BTRC: variants seen among roughly 807,000 people sequenced by gnomAD.
The protein encoded by BTRC is F-box/WD repeat-containing protein 1A.
In BTRC, 42 loss-of-function variants were observed where a neutral mutation model predicts 85.5. The observed-to-expected ratio is 0.49, with a 90% CI of 0.38 to 0.64. The LOEUF is 0.64. BTRC is among the 30% of genes least tolerant of loss of function. The pLI is 0.00. For missense variants in BTRC, 594 were observed against 743.5 expected, an observed-to-expected ratio of 0.80 and a Z score of 2.34; for synonymous variants, 255 against 263.3, an observed-to-expected ratio of 0.97 and a Z score of 0.30.
chr10:101,403,928 G>T (rs1379604610), intron 1 of BTRC, among the ~76,000 whole-genome samples: 8 of 143,500 alleles, frequency 5.6e-5, no homozygotes, highest in African/African-American at 1.3e-4. Context: ...TTTCTTTGCT[G>T]GTACTCTCTT....
chr10:101,481,332 C>CT (rs1044064299), intron 4 of BTRC, among the ~76,000 whole-genome samples: 20 of 151,862 alleles, frequency 1.3e-4, no homozygotes, highest in South Asian at 6.2e-4. Flanking sequence ...TTCTTTTTTT[C>CT]TTTTTTTTGT....
intron 2 of BTRC, among the ~76,000 whole-genome samples, chr10:101,450,642 G>T (rs761953330): frequency 2.6e-5 from 4 of 152,186 alleles, no homozygotes; most frequent in African/African-American, 9.6e-5. Context: ...TAGTACAGCC[G>T]AGTTGTTCAG....
At chr10:101,526,693 T>C (rs2062197149) in intron 6 of BTRC, among the ~76,000 whole-genome samples, 1 of 152,248 alleles carries the variant, frequency 6.6e-6, no homozygotes, top group African/African-American at 2.4e-5. Flanking sequence ...GGCAGGAGAA[T>C]CGCATGAACC....
chr10:101,425,121 G>C (rs1944215460), intron 1 of BTRC, among the ~76,000 whole-genome samples: 2 of 152,278 alleles, frequency 1.3e-5, no homozygotes, highest in South Asian at 4.2e-4. Context: ...TTCTGCAGAG[G>C]ACATGATTTC....
chr10:101,446,826 C>G (rs1231216762), intron 2 of BTRC, among the ~76,000 whole-genome samples: 1 of 152,096 alleles, frequency 6.6e-6, no homozygotes, highest in Non-Finnish European at 1.5e-5. Flanking sequence ...CTCTGTAGTT[C>G]TTATGTTTCT....
intron 13 of BTRC, among the ~76,000 whole-genome samples, chr10:101,540,811 C>T (rs2062454645): frequency 6.6e-6 from 1 of 152,020 alleles, no homozygotes; most frequent in Non-Finnish European, 1.5e-5. Flanking sequence ...TTTTGTTGGA[C>T]TTGTGTTGAC....
intron 1 of BTRC, among the ~76,000 whole-genome samples, chr10:101,405,196 CTTTA>C (rs1943590441): frequency 6.6e-6 from 1 of 151,484 alleles, no homozygotes; most frequent in East Asian, 1.9e-4. Flanking sequence ...AAAGCTAGGA[CTTTA>C]TTTAATCCTG....
Position 101,534,526 on chromosome 10 carries a change from C to T in BTRC, c.1098-135C>T, listed in dbSNP as rs1010211664. On this transcript the variant is annotated intron_variant, in intron 9 of 14. Transcript: ENST00000370187. ...TGTCTTAAGGACACACTGGCAGCAT[C>T]CCATCCCCTTCCTTCTCCCACTCTC... The T allele has an allele frequency of 2.6e-6, 3 of 1,158,118 alleles. No homozygotes were observed. The African/African-American group carries it at 4.5e-5, about 18-fold the overall frequency. The allele number at this position is 1,158,118 out of a possible 1,614,324, so 71.7% of individuals were successfully genotyped here. A position where few individuals can be genotyped will look rare whatever the true frequency, so the allele number is the denominator to read the frequency against.
intron 1 of BTRC, among the ~76,000 whole-genome samples, chr10:101,386,767 C>T (rs544069889): frequency 1.3e-5 from 2 of 152,228 alleles, no homozygotes; most frequent in Admixed American, 1.3e-4. Flanking sequence ...TGTGGTTTAG[C>T]TTGTGTTTCT....
At chr10:101,497,492 T>A (rs1215761994) in intron 4 of BTRC, among the ~76,000 whole-genome samples, 3 of 151,798 alleles carry the variant, frequency 2.0e-5, no homozygotes, top group African/African-American at 7.3e-5. Flanking sequence ...AGCCTAGGAG[T>A]TTGAGACCAG....
intron 1 of BTRC, among the ~76,000 whole-genome samples, chr10:101,362,580 A>G (rs1942243081): frequency 6.6e-6 from 1 of 151,628 alleles, no homozygotes; most frequent in South Asian, 2.1e-4. Flanking sequence ...TTTTTAGTAG[A>G]GACGGAGTTT....
intron 3 of BTRC, among the ~76,000 whole-genome samples, chr10:101,468,398 G>A (rs926678248): frequency 5.9e-5 from 9 of 151,776 alleles, no homozygotes; most frequent in Non-Finnish European, 1.0e-4. Context: ...TAAAAAAGGC[G>A]GGGGGTGGGG....
intron 12 of BTRC, 113 bp from the exon 13 acceptor site, chr10:101,538,180 C>T: frequency 1.1e-6 from 1 of 876,582 alleles, no homozygotes; most frequent in Non-Finnish European, 1.9e-6. Flanking sequence ...TAATCACGTA[C>T]ATTTGAACTA....
chr10:101,531,367 G>A (rs1218344753), intron 7 of BTRC, 34 bp downstream of exon 7: 1 of 1,459,242 alleles, frequency 6.9e-7, no homozygotes, highest in Admixed American at 1.8e-5. Context: ...TATTGCCCAA[G>A]GGCACAGAAT....
At chr10:101,418,097 T>C (rs983544384) in intron 1 of BTRC, among the ~76,000 whole-genome samples, 5 of 152,202 alleles carry the variant, frequency 3.3e-5, no homozygotes, top group Non-Finnish European at 1.5e-5. Context: ...CTGGGCACAG[T>C]GGCTCACACC....
At chr10:101,406,378 G>GT (rs1943621694) in intron 1 of BTRC, among the ~76,000 whole-genome samples, 1 of 151,156 alleles carries the variant, frequency 6.6e-6, no homozygotes, top group Non-Finnish European at 1.5e-5. Flanking sequence ...GGGTTTCACC[G>GT]TGGTCTTGAT....
Position 101,495,957 on chromosome 10 carries a change from A to G in BTRC, c.324+16500A>G, listed in dbSNP as rs1946248507. ...AAACATTATCCTCACTTCTAACACC[A>G]TACATTAGTTCTGCCTGGTTTTGAG... On this transcript the variant is annotated intron_variant, in intron 4 of 14. Transcript: ENST00000370187. Among the ~76,000 whole-genome samples the G allele has an allele frequency of 2.0e-5, 3 of 151,876 alleles. No homozygotes were observed. In the South Asian group the frequency reaches 6.2e-4, roughly 32 times the overall value.
rs1471017781 is a variant in BTRC, at chr10:101,389,115, G to GTTTTTTTTTTTTTTTTTTTTTTTTTTTT, written c.48+34888_48+34889insTTTTTTTTTTTTTTTTTTTTTTTTTTTT. Among the ~76,000 whole-genome samples, 4 of 35,470 alleles carry GTTTTTTTTTTTTTTTTTTTTTTTTTTTT rather than the reference G, an allele frequency of 1.1e-4. 1 individual carries two copies. The highest frequency in any genetic ancestry group is 1.0e-3 in the South Asian group (1 of 994). 23.3% of individuals were successfully genotyped at this position (35,470 alleles called of 152,430 possible). A position where few individuals can be genotyped will look rare whatever the true frequency, so the allele number is the denominator to read the frequency against. ...ATGTTGCATAATTGTGATTTTTTGT[G>GTTTTTTTTTTTTTTTTTTTTTTTTTTTT]TGTGTTTTTTTTTTTTTTTTTTTTT... On this transcript the variant is annotated intron_variant, in intron 1 of 14. Coordinates refer to ENST00000370187, the MANE Select transcript of BTRC (RefSeq NM_033637.4).
chr10:101,502,251 A>G (rs1163406892), intron 4 of BTRC, among the ~76,000 whole-genome samples: 1 of 152,180 alleles, frequency 6.6e-6, no homozygotes, highest in Non-Finnish European at 1.5e-5. Context: ...TTTGGTAGAA[A>G]TTGTTCAAGT....
Sources: allele counts gnomAD v4.1 joint callset (sites outside exome capture counted in the v4.1 genomes callset), GRCh38; gene constraint gnomAD v4.1.1; transcripts MANE v1.5; gene names NCBI Gene and HGNC (gene_info 2026-07-23, HGNC 2026-07-21).